The following EYS variants were observed in gnomAD, a reference collection of about 807,000 sequenced individuals.
The protein encoded by EYS is EGF-like photoreceptor maintenance factor.
In EYS, 250 loss-of-function variants were observed where a neutral mutation model predicts 282.1. That is an observed-to-expected ratio of 0.89 (90% CI 0.80 to 0.98). The LOEUF (loss-of-function observed/expected upper bound fraction) is 0.98. Ranked by LOEUF, EYS falls within the 50% of genes least tolerant of loss-of-function variation. EYS has a pLI of 0.00. For synonymous variants in EYS, 1,355 were observed against 1,282.9 expected (o/e 1.06, Z -1.20); for missense variants, 4,016 against 3,709.0 (o/e 1.08, Z -2.15).
intron 19 of EYS, among the ~76,000 whole-genome samples, chr6:64,886,344 A>G (rs1756100342): frequency 6.6e-6 from 1 of 151,992 alleles, no homozygotes; most frequent in African/African-American, 2.4e-5. Context: ...TGCTAAGCAT[A>G]TTCTAGAAAT....
intron 2 of EYS, among the ~76,000 whole-genome samples, chr6:65,637,622 T>C (rs533060614): frequency 1.3e-5 from 2 of 152,282 alleles, no homozygotes; most frequent in South Asian, 2.1e-4. Flanking sequence ...GGCTTGAAAG[T>C]ACCTGCTCCT....
At chr6:64,853,860 G>C (rs1382125346) in intron 19 of EYS, among the ~76,000 whole-genome samples, 7 of 151,732 alleles carry the variant, frequency 4.6e-5, no homozygotes, top group African/African-American at 1.7e-4. Context: ...TCTGACAAAG[G>C]GCTAATATCC....
chr6:64,279,190 TTAAA>T (rs1293907280), intron 30 of EYS, among the ~76,000 whole-genome samples: 3 of 152,162 alleles, frequency 2.0e-5, no homozygotes, highest in African/African-American at 4.8e-5. Context: ...AGCTTTTGCT[TTAAA>T]TAAATACAGT....
intron 1 of EYS, among the ~76,000 whole-genome samples, chr6:65,640,197 G>A (rs940450226): frequency 2.0e-5 from 3 of 152,128 alleles, no homozygotes; most frequent in African/African-American, 7.2e-5. Flanking sequence ...ATAGAATAAT[G>A]CTTTTCCCAT....
intron 26 of EYS, among the ~76,000 whole-genome samples, chr6:64,487,182 A>G (rs1354577088): frequency 6.6e-6 from 1 of 151,138 alleles, no homozygotes; most frequent in Non-Finnish European, 1.5e-5. Context: ...GTGCTTTTTC[A>G]TGCTAAGCAG....
At chr6:64,558,069 G>T (rs1765286539) in intron 26 of EYS, among the ~76,000 whole-genome samples, 1 of 152,026 alleles carries the variant, frequency 6.6e-6, no homozygotes, top group South Asian at 2.1e-4. Context: ...TAAAAGGAAA[G>T]AATTCTCTTT....
At chr6:63,885,413 C>A (rs975020285) in intron 35 of EYS, among the ~76,000 whole-genome samples, 4 of 152,142 alleles carry the variant, frequency 2.6e-5, no homozygotes, top group Non-Finnish European at 5.9e-5. Context: ...CCAGTGCCAA[C>A]ATGTCAATGA....
chr6:64,332,086 C>A (rs113059930), intron 29 of EYS, among the ~76,000 whole-genome samples: 35 of 152,294 alleles, frequency 2.3e-4, no homozygotes, highest in African/African-American at 7.2e-4. Context: ...TTATCACCTA[C>A]AGGGTTCTGG....
At chr6:65,546,447 A>G (rs897536622) in intron 2 of EYS, among the ~76,000 whole-genome samples, 3 of 152,104 alleles carry the variant, frequency 2.0e-5, no homozygotes, top group African/African-American at 7.2e-5. Context: ...ATTTTATTTA[A>G]CTCACTGATT....
intron 5 of EYS, among the ~76,000 whole-genome samples, chr6:65,440,377 T>TAA (rs34301256): frequency 1.3e-4 from 19 of 143,352 alleles, no homozygotes; most frequent in Admixed American, 5.5e-4. Context: ...CAACCTTCAA[T>TAA]AAAAAAAAAA....
intron 13 of EYS, among the ~76,000 whole-genome samples, chr6:65,028,225 T>C (rs1372394479): frequency 6.6e-6 from 1 of 152,066 alleles, no homozygotes; most frequent in Non-Finnish European, 1.5e-5. Flanking sequence ...TCCAATGCTT[T>C]ACTCAGAGTC....
chr6:64,182,118 T>A (rs2150312054), intron 31 of EYS, among the ~76,000 whole-genome samples: 1 of 152,244 alleles, frequency 6.6e-6, no homozygotes, highest in Middle Eastern at 3.4e-3. Flanking sequence ...ATAAAAAAAT[T>A]GCTTTTCTTT....
intron 5 of EYS, among the ~76,000 whole-genome samples, chr6:65,476,342 A>C (rs778471744): frequency 1.3e-5 from 2 of 152,182 alleles, no homozygotes; most frequent in African/African-American, 2.4e-5. Context: ...CTAATGCATA[A>C]AGGACAGAAA....
chr6:64,369,847 T>C (rs111578601), intron 29 of EYS, among the ~76,000 whole-genome samples: 1,662 of 152,196 alleles, frequency 0.011, 32 homozygotes, highest in African/African-American at 0.038. Context: ...TGTTGTTGTA[T>C]AGGACTGCTA....
intron 11 of EYS, among the ~76,000 whole-genome samples, chr6:65,334,050 A>G (rs534364176): frequency 1.3e-5 from 2 of 151,856 alleles, no homozygotes; most frequent in South Asian, 2.1e-4. Context: ...ACTAAATCAG[A>G]AAACAGCCAG....
At chr6:64,751,731 C>T (rs1298974848) in intron 22 of EYS, among the ~76,000 whole-genome samples, 1 of 152,200 alleles carries the variant, frequency 6.6e-6, no homozygotes, top group African/African-American at 2.4e-5. Context: ...AGAAAATCTG[C>T]TGACAAGAGT....
At chr6:64,991,023 G>A (rs935298731) in intron 14 of EYS, among the ~76,000 whole-genome samples, 14 of 151,444 alleles carry the variant, frequency 9.2e-5, no homozygotes, top group African/African-American at 2.4e-4. Context: ...TGACAATTGA[G>A]GGGGAACATA....
chr6:64,776,692 A>C (rs1198867890), intron 22 of EYS, among the ~76,000 whole-genome samples: 1 of 152,110 alleles, frequency 6.6e-6, no homozygotes, highest in Non-Finnish European at 1.5e-5. Context: ...TCAAATAAAA[A>C]TGTAATTATA....
At chr6:64,471,738 T>C (rs985703677) in intron 26 of EYS, among the ~76,000 whole-genome samples, 1 of 152,174 alleles carries the variant, frequency 6.6e-6, no homozygotes, top group Non-Finnish European at 1.5e-5. Flanking sequence ...ATAGCAATGC[T>C]ACAATTTGTA....
Sources: gnomAD v4.1 joint callset for allele counts (sites outside exome capture counted in the v4.1 genomes callset) on GRCh38, gnomAD v4.1.1 for gene constraint, MANE v1.5 for transcripts, NCBI Gene and HGNC (gene_info 2026-07-23, HGNC 2026-07-21) for gene names.